MMP16: variants seen among roughly 807,000 people sequenced by gnomAD.
MMP16 encodes matrix metallopeptidase 16.
MMP16 carries 12 observed loss-of-function variants against 67.8 expected under a neutral mutation model. The ratio of observed to expected loss-of-function variants is 0.18; its 90% confidence interval spans 0.11 to 0.29. The LOEUF is 0.29. Ranked by LOEUF, MMP16 falls within the 10% of genes least tolerant of loss-of-function variation. The pLI is 1.00. For synonymous variants in MMP16, 249 were observed against 255.9 expected (o/e 0.97, Z 0.26); for missense variants, 475 against 765.7 (o/e 0.62, Z 4.48).
chr8:88,172,539 C>T (rs924351367), intron 3 of MMP16, among the ~76,000 whole-genome samples: 13 of 152,072 alleles, frequency 8.5e-5, no homozygotes, highest in African/African-American at 3.1e-4. Flanking sequence ...AAGATTGCTA[C>T]TAACAATTCT....
Position 88,041,809 on chromosome 8 carries a change from C to A in MMP16, c.1490-14G>T. 4 of 1,558,742 alleles carry A rather than the reference C, an allele frequency of 2.6e-6. No homozygotes were observed. Among genetic ancestry groups the A allele is most frequent in the Non-Finnish European group, 3.5e-6 (4 of 1,139,812 alleles). ...AATACGTAAAGCCTAGGGGGAAAAA[C>A]ATACACACACACAGGTACCACTTAT... On this transcript the variant is annotated splice_polypyrimidine_tract_variant and intron_variant, in intron 9 of 9. Transcript: ENST00000286614. This position sits in a 1 kb window ranked among gnomAD's most constrained non-coding sequence, Gnocchi z 6.0.
At chr8:88,230,084 C>T (rs1225280097) in intron 1 of MMP16, among the ~76,000 whole-genome samples, 1 of 152,048 alleles carries the variant, frequency 6.6e-6, no homozygotes, top group Non-Finnish European at 1.5e-5. Context: ...CATGGAAATG[C>T]CTACTTGTGG....
chr8:88,242,609 G>T (rs1675630495), intron 1 of MMP16, among the ~76,000 whole-genome samples: 1 of 152,148 alleles, frequency 6.6e-6, no homozygotes, highest in Admixed American at 6.5e-5. Context: ...AGTCATCCAA[G>T]TAACTTACAC....
chr8:88,076,046 G>A (rs941183401), intron 6 of MMP16, among the ~76,000 whole-genome samples: 3 of 150,886 alleles, frequency 2.0e-5, no homozygotes, highest in Non-Finnish European at 2.9e-5. Context: ...AAATGAGTCC[G>A]AATATGAACT....
At chr8:88,248,804 A>G (rs1212469409) in intron 1 of MMP16, among the ~76,000 whole-genome samples, 2 of 152,074 alleles carry the variant, frequency 1.3e-5, no homozygotes, top group East Asian at 3.9e-4. Context: ...AAAAAAAAAA[A>G]AAAATTACTG....
At chr8:88,221,497 G>A (rs1410178400) in intron 1 of MMP16, among the ~76,000 whole-genome samples, 1 of 152,004 alleles carries the variant, frequency 6.6e-6, no homozygotes, top group African/African-American at 2.4e-5. Context: ...AAAGAGCCAT[G>A]CAGTAACTGC....
intron 1 of MMP16, among the ~76,000 whole-genome samples, chr8:88,232,341 G>A (rs1809875196): frequency 1.3e-5 from 2 of 151,902 alleles, no homozygotes; most frequent in East Asian, 1.9e-4. Context: ...AACGGGTCAG[G>A]GACCTAGAAA....
intron 3 of MMP16, among the ~76,000 whole-genome samples, chr8:88,178,088 A>G (rs1808922377): frequency 6.6e-6 from 1 of 152,144 alleles, no homozygotes; most frequent in South Asian, 2.1e-4. Flanking sequence ...AGATAAACAT[A>G]AAAGCTCACA....
chr8:88,127,455 A>G (rs1026930304), intron 4 of MMP16, among the ~76,000 whole-genome samples: 48 of 151,804 alleles, frequency 3.2e-4, no homozygotes, highest in Non-Finnish European at 1.9e-4. Flanking sequence ...GAGCAATGGA[A>G]GTATGTGAGA....
At chr8:88,245,387 A>T (rs1351431560) in intron 1 of MMP16, among the ~76,000 whole-genome samples, 5 of 152,184 alleles carry the variant, frequency 3.3e-5, no homozygotes, top group Non-Finnish European at 5.9e-5. Context: ...AGTCATATGG[A>T]TGCACTCTCT....
chr8:88,322,127 T>C lies in MMP16; in HGVS notation c.132+4948A>G, dbSNP rs369525637. 7.2e-5 allele frequency among the ~76,000 whole-genome samples: 11 copies of C among 152,120 alleles called. No individual in the cohort carries two copies. In the East Asian group the frequency reaches 1.7e-3, roughly 24 times the overall value. On this transcript the variant is annotated intron_variant, in intron 1 of 9. Transcript: ENST00000286614. ...GTTTCTTATTGAATCCTACCCATAT[T>C]ATGAAAAGGAAGCACTTGGGGTTTG...
intron 1 of MMP16, among the ~76,000 whole-genome samples, chr8:88,239,223 A>G (rs996537649): frequency 6.8e-6 from 1 of 147,966 alleles, no homozygotes; most frequent in African/African-American, 2.5e-5. Context: ...GGAACCCAGG[A>G]AACGGAGGTT....
Position 88,073,888 on chromosome 8 carries a change from C to T in MMP16, c.1222+717G>A, listed in dbSNP as rs79963123. 4.6e-3 allele frequency among the ~76,000 whole-genome samples: 698 copies of T among 152,256 alleles called. 4 individuals carry two copies. Among genetic ancestry groups the T allele is most frequent in the African/African-American group, 0.016 (651 of 41,564 alleles). ...ACTCTAGTTCTCCTCAGCTTCAGCTCAAATACATTCTCTTCACAATTCCCT... is the reference window on the plus strand; with the variant it reads ...ACTCTAGTTCTCCTCAGCTTCAGCTTAAATACATTCTCTTCACAATTCCCT... On this transcript the variant is annotated intron_variant, in intron 7 of 9. Transcript: ENST00000286614.
At chr8:88,072,418 T>C (rs1808574679) in intron 7 of MMP16, among the ~76,000 whole-genome samples, 1 of 152,044 alleles carries the variant, frequency 6.6e-6, no homozygotes, top group Non-Finnish European at 1.5e-5. Context: ...GAGCTACAGG[T>C]CATAGCTGGG....
chr8:88,251,982 A>C (rs1810232262), intron 1 of MMP16, among the ~76,000 whole-genome samples: 2 of 114,030 alleles, frequency 1.8e-5, no homozygotes, highest in African/African-American at 3.5e-5. Context: ...ATCATTAAAA[A>C]GTCAGGAAAC....
chr8:88,074,854 T>A (rs921240668), intron 6 of MMP16, 111 bp from the exon 7 acceptor site: 14 of 1,339,818 alleles, frequency 1.0e-5, no homozygotes, highest in Non-Finnish European at 1.4e-5. Context: ...TTTATTGTCT[T>A]ACATTAAATC....
At chr8:88,121,693 C>G (rs1807834687) in intron 4 of MMP16, among the ~76,000 whole-genome samples, 1 of 151,958 alleles carries the variant, frequency 6.6e-6, no homozygotes, top group Non-Finnish European at 1.5e-5. Context: ...GTACTTGCTT[C>G]TTTTGCAAGA....
intron 3 of MMP16, among the ~76,000 whole-genome samples, chr8:88,170,978 T>G (rs1296110250): frequency 6.6e-6 from 1 of 152,188 alleles, no homozygotes; most frequent in African/African-American, 2.4e-5. Flanking sequence ...TCTGAGAGAA[T>G]TGTTCATGGG....
intron 6 of MMP16, among the ~76,000 whole-genome samples, chr8:88,115,488 A>G (rs1809412817): frequency 1.3e-5 from 2 of 152,056 alleles, no homozygotes; most frequent in Admixed American, 1.3e-4. Flanking sequence ...GCTTTTATGC[A>G]TATTATATCG....
Sources: allele counts gnomAD v4.1 joint callset (sites outside exome capture counted in the v4.1 genomes callset), GRCh38; gene constraint gnomAD v4.1.1; non-coding constraint Gnocchi (gnomAD v3.1); transcripts MANE v1.5; gene names NCBI Gene and HGNC (gene_info 2026-07-23, HGNC 2026-07-21).